Variants in MCU observed in about 807,000 individuals in gnomAD.
MCU encodes the protein calcium uniporter protein, mitochondrial.
In MCU, 12 loss-of-function variants were observed where a neutral mutation model predicts 45.2. The observed-to-expected ratio is 0.27, with a 90% confidence interval of 0.17 to 0.43. The LOEUF (loss-of-function observed/expected upper bound fraction) is 0.43. Among genes scored for constraint, MCU ranks in the 20% least tolerant of loss-of-function variants. MCU has a pLI of 1.00. For missense variants in MCU, 324 were observed against 436.7 expected (o/e 0.74, Z 2.30); for synonymous variants, 160 against 165.1 (o/e 0.97, Z 0.24).
At chr10:72,869,694 T>C (rs1169605313) in intron 5 of MCU, among the ~76,000 whole-genome samples, 1 of 152,240 alleles carries the variant, frequency 6.6e-6, no homozygotes, top group Admixed American at 6.5e-5. Context: ...CATTGTATTA[T>C]AAGTAATCTA....
chr10:72,849,881 T>C (rs1168020548), intron 2 of MCU, among the ~76,000 whole-genome samples: 2 of 152,034 alleles, frequency 1.3e-5, no homozygotes, highest in African/African-American at 4.8e-5. Context: ...TTGCATTGGA[T>C]TGAACTCTGT....
chr10:72,862,240 C>A (rs1457939232), intron 4 of MCU, among the ~76,000 whole-genome samples: 2 of 152,130 alleles, frequency 1.3e-5, no homozygotes, highest in Non-Finnish European at 2.9e-5. Context: ...CTCGGCCTCC[C>A]AAAGTGCTGG....
intron 1 of MCU, among the ~76,000 whole-genome samples, chr10:72,742,459 C>T (rs1036118689): frequency 6.6e-6 from 1 of 152,160 alleles, no homozygotes; most frequent in Non-Finnish European, 1.5e-5. Context: ...TAGAGGTTCT[C>T]TGCATTTTTA....
chr10:72,884,218 G>C (rs1229452141), intron 6 of MCU, 48 bp from the exon 7 acceptor site: 1 of 1,101,374 alleles, frequency 9.1e-7, no homozygotes, highest in East Asian at 2.4e-5. Flanking sequence ...AATATTTTGT[G>C]AAGATAGTAT....
At chr10:72,719,639 A>G (rs912534380) in intron 1 of MCU, among the ~76,000 whole-genome samples, 10 of 151,982 alleles carry the variant, frequency 6.6e-5, no homozygotes, top group African/African-American at 2.4e-4. Context: ...AGAATGTAGA[A>G]TTTTCTTCCC....
chr10:72,766,398 T>C (rs1843727031), intron 1 of MCU, among the ~76,000 whole-genome samples: 2 of 152,194 alleles, frequency 1.3e-5, no homozygotes, highest in Non-Finnish European at 2.9e-5. Context: ...ATATCAGCTT[T>C]TCTTTTAATG....
chr10:72,710,799 T>A (rs766189226), intron 1 of MCU, among the ~76,000 whole-genome samples: 1 of 152,090 alleles, frequency 6.6e-6, no homozygotes, highest in Non-Finnish European at 1.5e-5. Flanking sequence ...TTAAATTTGA[T>A]GTTTACCATC....
At chr10:72,754,948 C>T (rs576794209) in intron 1 of MCU, among the ~76,000 whole-genome samples, 38 of 152,302 alleles carry the variant, frequency 2.5e-4, no homozygotes, top group African/African-American at 8.7e-4. Flanking sequence ...TATAACCTCA[C>T]ATATTTCATA....
intron 2 of MCU, among the ~76,000 whole-genome samples, chr10:72,839,450 G>T (rs891533881): frequency 6.6e-6 from 1 of 151,974 alleles, no homozygotes; most frequent in African/African-American, 2.4e-5. Context: ...CAAAAATGTC[G>T]TATAAATGGA....
rs1220855562 is a variant in MCU, at chr10:72,885,917, A to T, written c.*95A>T. On this transcript the variant is annotated 3_prime_UTR_variant, in exon 8 of 8. Transcript: ENST00000373053. ...GGAAGCTGGGAGCCATGTGGGGGGT[A>T]GAGCGTTTTTACCTTTAATTATAAA... 3.2e-6 allele frequency: 3 copies of T among 942,804 alleles called. No homozygotes were observed. The highest frequency in any genetic ancestry group is 5.0e-6 in the Non-Finnish European group (3 of 596,642). 58.4% of individuals were successfully genotyped at this position (942,804 alleles called of 1,614,324 possible).
intron 1 of MCU, among the ~76,000 whole-genome samples, chr10:72,764,035 A>G (rs1404660976): frequency 2.0e-5 from 3 of 152,126 alleles, no homozygotes; most frequent in Non-Finnish European, 4.4e-5. Flanking sequence ...AAATAAGCAG[A>G]ACAGTTTAGG....
At chr10:72,861,466 G>A (rs1369203497) in intron 4 of MCU, among the ~76,000 whole-genome samples, 6 of 150,822 alleles carry the variant, frequency 4.0e-5, no homozygotes, top group Non-Finnish European at 7.4e-5. Context: ...TCACTCTGTC[G>A]CCCAGGCTGG....
intron 2 of MCU, among the ~76,000 whole-genome samples, chr10:72,849,580 A>T (rs1157990860): frequency 6.6e-6 from 1 of 152,066 alleles, no homozygotes; most frequent in African/African-American, 2.4e-5. Context: ...TTTCCTAGAG[A>T]GTGTGTGAAT....
chr10:72,872,553 A>C (rs1845560099), intron 6 of MCU, among the ~76,000 whole-genome samples: 1 of 152,202 alleles, frequency 6.6e-6, no homozygotes, highest in Non-Finnish European at 1.5e-5. Context: ...CATTAAATAT[A>C]ATGTCCTCCA....
chr10:72,809,104 A>G (rs972458434), intron 1 of MCU, among the ~76,000 whole-genome samples: 1 of 152,244 alleles, frequency 6.6e-6, no homozygotes, highest in Non-Finnish European at 1.5e-5. Flanking sequence ...TCTGATGGAT[A>G]TATTAGAAGG....
chr10:72,805,353 A>G (rs1484145894), intron 1 of MCU, among the ~76,000 whole-genome samples: 3 of 150,220 alleles, frequency 2.0e-5, no homozygotes, highest in Non-Finnish European at 4.4e-5. Context: ...GGTTCAAGTG[A>G]TTCTCATGCC....
At chr10:72,751,341 C>CTTCTTTTTTTTTTTTT (rs1474252109) in intron 1 of MCU, among the ~76,000 whole-genome samples, 7 of 44,752 alleles carry the variant, frequency 1.6e-4, no homozygotes, top group African/African-American at 5.9e-4. Flanking sequence ...TCTTCTTCTT[C>CTTCTTTTTTTTTTTTT]TTTTTTTTTT....
chr10:72,860,637 CTG>C, intron 4 of MCU, 110 bp downstream of exon 4: 1 of 809,340 alleles, frequency 1.2e-6, no homozygotes, highest in African/African-American at 1.7e-5. Flanking sequence ...TCAAAGAACA[CTG>C]AAAGTTTTAT....
At chr10:72,753,799 A>G (rs916061612) in intron 1 of MCU, among the ~76,000 whole-genome samples, 47 of 152,188 alleles carry the variant, frequency 3.1e-4, no homozygotes, top group Admixed American at 5.9e-4. Flanking sequence ...GGATTACCGG[A>G]GCCTGGGAGA....
Sources: gnomAD v4.1 joint callset for allele counts (sites outside exome capture counted in the v4.1 genomes callset) on GRCh38, gnomAD v4.1.1 for gene constraint, MANE v1.5 for transcripts, NCBI Gene and HGNC (gene_info 2026-07-23, HGNC 2026-07-21) for gene names.